TAMALIN: variants seen among roughly 807,000 people sequenced by gnomAD.
TAMALIN encodes the protein trafficking regulator and scaffold protein tamalin.
A neutral mutation model predicts 38.5 loss-of-function variants in TAMALIN; 9 were observed. The ratio of observed to expected loss-of-function variants is 0.23; its 90% CI spans 0.14 to 0.41. TAMALIN has a LOEUF of 0.41. TAMALIN is among the 10% of genes least tolerant of loss of function. TAMALIN has a pLI of 1.00. For missense variants in TAMALIN, 548 were observed against 554.1 expected (o/e 0.99, Z 0.11); for synonymous variants, 306 against 256.5 (o/e 1.19, Z -1.85).
At position 52,015,196 on chromosome 12, in the gene TAMALIN, G is replaced by T. The variant is rs1231846908; in HGVS notation, c.1185G>T (p.Leu395=). The T allele has an allele frequency of 1.3e-6, 2 of 1,589,228 alleles. No homozygotes were observed. The highest frequency in any genetic ancestry group is 1.7e-6 in the Non-Finnish European group (2 of 1,176,218). ...CCCTGGAGGAGGAGGAGAGCCAGCT[G>T]TAGGGGCGGGGGCGGGCAGGGAGGT... ...NRSLEEEESQ[L] The change falls in exon 8 of 8, where the codon CTG becomes CTT. Residue 395 remains leucine (L), a synonymous_variant. Transcript: ENST00000293662.
At position 52,013,946 on chromosome 12, in the gene TAMALIN, A is replaced by G; in HGVS notation, c.615+3A>G. On this transcript the variant is annotated splice_donor_region_variant and intron_variant, in intron 6 of 7. Coordinates refer to ENST00000293662, the MANE Select transcript of TAMALIN (RefSeq NM_181711.4). ...AGGCTCGTCTGCAGTACCTGAAGGT[A>G]GGGGAACCTAGATAACGTCCAGCCT... 1 of 1,613,922 alleles carries G rather than the reference A, an allele frequency of 6.2e-7. No individual in the cohort carries two copies. Among genetic ancestry groups the G allele is most frequent in the Middle Eastern group, 1.6e-4 (1 of 6,062 alleles).
intron 2 of TAMALIN, 71 bp downstream of exon 2, chr12:52,009,310 A>G (rs1942462505): frequency 6.9e-7 from 1 of 1,439,830 alleles, no homozygotes; most frequent in Non-Finnish European, 9.7e-7. Flanking sequence ...GTGCCAGGAC[A>G]GCATCTCAGC....
In TAMALIN at chr12:52,013,730, C is replaced by A; in HGVS notation, c.498C>A (p.Ile166=). The change falls in exon 5 of 8, where the codon ATC becomes ATA. Residue 166 remains isoleucine (I), a synonymous_variant. Transcript: ENST00000293662. ...ASVNGLNVEG[I]RHREIVDIIK... is the part of the protein sequence containing the mutation. The stretch of plus-strand genomic sequence containing the variant: ...TCAATGGCCTGAATGTGGAAGGCAT[C>A]CGGCATCGAGAGATTGTGGACATCA... 1 of 1,614,116 alleles carries A rather than the reference C, an allele frequency of 6.2e-7. No individual in the cohort carries two copies. The highest frequency in any genetic ancestry group is 1.6e-4 in the Middle Eastern group (1 of 6,062).
chr12:52,011,047 C>A lies in TAMALIN; in HGVS notation c.360C>A (p.Gly120=), dbSNP rs747876210. The change falls in exon 4 of 8, where the codon GGC becomes GGA. Residue 120 remains glycine, a synonymous_variant. Coordinates refer to ENST00000293662, the MANE Select transcript of TAMALIN (RefSeq NM_181711.4). This position sits in a 1 kb window ranked among gnomAD's most constrained non-coding sequence, Gnocchi z 5.3. The part of the protein sequence containing the change: ...QTFGFEIQTY[G]LHHREEQRVE... Reference sequence around the variant, plus strand: ...CCCCTTGTCCATTACAGACTTATGGCCTTCACCACCGGGAGGAGCAGCGTG... The same window carrying A: ...CCCCTTGTCCATTACAGACTTATGGACTTCACCACCGGGAGGAGCAGCGTG... 2.5e-6 allele frequency: 4 copies of A among 1,613,528 alleles called. No homozygotes were observed. Among genetic ancestry groups the A allele is most frequent in the East Asian group, 2.2e-5 (1 of 44,874 alleles).
chr12:52,014,195 G>T lies in TAMALIN; in HGVS notation c.676G>T (p.Val226Leu), dbSNP rs935436683. ...CCTAATGGTGCAGGAGCAGCGGCTG[G>T]TGCATGGTGAGTAGATCCCGGGGTG... ...RSLMVQEQRL[V>L]HGLVVKDPSI... Residue 226 changes from valine to leucine, a missense_variant, in exon 7 of 8, where the codon GTG becomes TTG. Around this residue, in one of 3 missense-constraint regions of TAMALIN, gnomAD observed 415 missense variants for 417.0 expected, o/e 1.00. Coordinates refer to ENST00000293662, the MANE Select transcript of TAMALIN (RefSeq NM_181711.4). The T allele has an allele frequency of 6.3e-7, 1 of 1,599,210 alleles. No homozygotes were observed. Among genetic ancestry groups the T allele is most frequent in the Non-Finnish European group, 8.5e-7 (1 of 1,172,450 alleles).
chr12:52,009,891 G>T (rs1942473022), intron 2 of TAMALIN, among the ~76,000 whole-genome samples: 1 of 152,232 alleles, frequency 6.6e-6, no homozygotes, highest in Non-Finnish European at 1.5e-5. Flanking sequence ...AATTTTTAAA[G>T]AGTTGTAAAA....
At chr12:52,008,440 AGTCTCG>A (rs1346638773) in intron 1 of TAMALIN, 10 of 942,492 alleles carry the variant, frequency 1.1e-5, no homozygotes, top group African/African-American at 4.1e-5. Flanking sequence ...AAGAACTCCC[AGTCTCG>A]GTCCTTTAGT....
At position 52,011,076 on chromosome 12, in the gene TAMALIN, A is replaced by C. The variant is rs1339735748; in HGVS notation, c.389A>C (p.Glu130Ala). The C allele has an allele frequency of 6.2e-7, 1 of 1,612,808 alleles. No homozygotes were observed. Among genetic ancestry groups the C allele is most frequent in the Non-Finnish European group, 8.5e-7 (1 of 1,179,866 alleles). The part of the protein sequence containing the change: ...GLHHREEQRV[E>A]MVTFVCRVHE... ...CACCACCGGGAGGAGCAGCGTGTGG[A>C]AATGGTGACCTTTGTCTGCCGAGTT... The change falls in exon 4 of 8, where the codon GAA (glutamate) becomes GCA (alanine). Residue 130 changes from glutamate (E) to alanine (A), a missense_variant. By Grantham distance (107) the Glu-to-Ala change is moderately radical (BLOSUM62 -1). Transcript: ENST00000293662. This position sits in a 1 kb window ranked among gnomAD's most constrained non-coding sequence, Gnocchi z 5.3.
Position 52,015,391 on chromosome 12 carries a change from C to T in TAMALIN, c.*192C>T, listed in dbSNP as rs1937786456. On this transcript the variant is annotated 3_prime_UTR_variant, in exon 8 of 8. Coordinates refer to ENST00000293662, the MANE Select transcript of TAMALIN (RefSeq NM_181711.4). ...GGGGGGCCCAGCCCCTTCTCTTCTC[C>T]CCCGCCAAACCACAGTGGGAGCTGG... is the stretch of plus-strand genomic sequence containing the variant. 4.7e-6 allele frequency: 3 copies of T among 636,794 alleles called. No individual in the cohort carries two copies. The South Asian group carries it at 6.3e-5, about 13-fold the overall frequency. 39.4% of individuals were successfully genotyped at this position (636,794 alleles called of 1,614,324 possible).
At chr12:52,009,616 C>T (rs1378196053) in intron 2 of TAMALIN, among the ~76,000 whole-genome samples, 4 of 152,226 alleles carry the variant, frequency 2.6e-5, no homozygotes, top group Non-Finnish European at 5.9e-5. Flanking sequence ...CCCACGGGCC[C>T]AGACCTTAGC....
Position 52,014,734 on chromosome 12 carries a change from G to A in TAMALIN, c.723G>A (p.Glu241=), listed in dbSNP as rs770827836. Residue 241 remains glutamate, a synonymous_variant, in exon 8 of 8, where the codon GAG becomes GAA. Coordinates refer to ENST00000293662, the MANE Select transcript of TAMALIN (RefSeq NM_181711.4). ...VKDPSIYDTL[E]SVRSCLYGAG... is the part of the protein sequence containing the mutation. ...ACCCCAGCATCTACGACACGCTGGA[G>A]TCGGTGCGCTCCTGCCTCTACGGCG... The A allele has an allele frequency of 1.3e-6, 2 of 1,521,138 alleles. No homozygotes were observed. The highest frequency in any genetic ancestry group is 2.5e-5 in the East Asian group (1 of 39,900). The allele number at this position is 1,521,138 out of a possible 1,614,324, so 94.2% of individuals were successfully genotyped here. A position where few individuals can be genotyped will look rare whatever the true frequency, so the allele number is the denominator to read the frequency against.
rs1229750357 is a variant in TAMALIN at position 52,007,856 on chromosome 12, C to T, written c.246+591C>T. On this transcript the variant is annotated intron_variant, in intron 1 of 7. Coordinates refer to ENST00000293662, the MANE Select transcript of TAMALIN (RefSeq NM_181711.4). This position sits in a 1 kb window ranked among gnomAD's most constrained non-coding sequence, Gnocchi z 6.7. ...CTGCTCCCTGGACTTCTGTCGGAAC[C>T]GGACGCAGTGGGAGGGGTCGCAGGG... 2.0e-6 allele frequency: 2 copies of T among 985,292 alleles called. No individual in the cohort carries two copies. The highest frequency in any genetic ancestry group is 2.4e-6 in the Non-Finnish European group (2 of 829,920). The allele number at this position is 985,292 out of a possible 1,614,324, so 61.0% of individuals were successfully genotyped here. A position where few individuals can be genotyped will look rare whatever the true frequency, so the allele number is the denominator to read the frequency against.
In TAMALIN at chr12:52,014,839, C is replaced by T. The variant is rs1450777027; in HGVS notation, c.828C>T (p.Ala276=). The change falls in exon 8 of 8, where the codon GCC becomes GCT. Residue 276 remains alanine, a synonymous_variant. Transcript: ENST00000293662. ...GTCCCCGCGGAGGCGCCCGACGGGC[C>T]AGGGGCGACGCCGACGACGCCGTCT... ...PGRPRGGARR[A]RGDADDAVYH... 4.7e-6 allele frequency: 6 copies of T among 1,284,404 alleles called. No homozygotes were observed. In the African/African-American group the frequency reaches 7.9e-5, roughly 17 times the overall value. 79.6% of individuals were successfully genotyped at this position (1,284,404 alleles called of 1,614,324 possible). A position where few individuals can be genotyped will look rare whatever the true frequency, so the allele number is the denominator to read the frequency against.
At chr12:52,009,081 C>T in intron 1 of TAMALIN, 109 bp from the exon 2 acceptor site, 1 of 1,036,380 alleles carries the variant, frequency 9.6e-7, no homozygotes, top group Admixed American at 1.9e-5. Context: ...GGATGTGGAG[C>T]TGGGAAGGGG....
chr12:52,007,850 C>A lies in TAMALIN; in HGVS notation c.246+585C>A. 1.0e-6 allele frequency: 1 copy of A among 985,424 alleles called. No individual in the cohort carries two copies. Among genetic ancestry groups the A allele is most frequent in the Non-Finnish European group, 1.2e-6 (1 of 829,918 alleles). 61.0% of individuals were successfully genotyped at this position (985,424 alleles called of 1,614,324 possible). A position where few individuals can be genotyped will look rare whatever the true frequency, so the allele number is the denominator to read the frequency against. The stretch of plus-strand genomic sequence containing the variant: ...GGGCCACTGCTCCCTGGACTTCTGT[C>A]GGAACCGGACGCAGTGGGAGGGGTC... On this transcript the variant is annotated intron_variant, in intron 1 of 7. Transcript: ENST00000293662. This position sits in a 1 kb window ranked among gnomAD's most constrained non-coding sequence, Gnocchi z 6.7.
chr12:52,015,036 G>A lies in TAMALIN; in HGVS notation c.1025G>A (p.Gly342Asp), dbSNP rs1654297794. Residue 342 changes from glycine (G) to aspartate (D), a missense_variant, in exon 8 of 8, where the codon GGC becomes GAC. Physicochemically the swap from Gly to Asp is moderately conservative, Grantham distance 94. Transcript: ENST00000293662. ...GTGCGGTGCGCGGGCCCTGGCGGGG[G>A]CGGAGGCGGGGGCGCGCCGGGCGCG... ...ASVRCAGPGGGGGGGAPGALW... is the reference protein window; with the variant it reads ...ASVRCAGPGGDGGGGAPGALW... 2 of 1,329,460 alleles carry A rather than the reference G, an allele frequency of 1.5e-6. No individual in the cohort carries two copies. Among genetic ancestry groups the A allele is most frequent in the African/African-American group, 1.6e-5 (1 of 62,958 alleles). 82.4% of individuals were successfully genotyped at this position (1,329,460 alleles called of 1,614,324 possible).
In TAMALIN at chr12:52,007,359, C is replaced by T; in HGVS notation, c.246+94C>T. 3 of 1,286,334 alleles carry T rather than the reference C, an allele frequency of 2.3e-6. No homozygotes were observed. Among genetic ancestry groups the T allele is most frequent in the South Asian group, 5.3e-5 (2 of 37,792 alleles). 79.7% of individuals were successfully genotyped at this position (1,286,334 alleles called of 1,614,324 possible). ...CGCAGTGCCCTCTCCTCGGCGTCCG[C>T]GGAGTCCCCCACCTTCTTCCCCGGC... On this transcript the variant is annotated intron_variant, in intron 1 of 7. Coordinates refer to ENST00000293662, the MANE Select transcript of TAMALIN (RefSeq NM_181711.4). The surrounding 1 kb of genome is among the most constrained non-coding windows in gnomAD (Gnocchi z 6.7).
At position 52,007,278 on chromosome 12, in the gene TAMALIN, C is replaced by T. The variant is rs1215989434; in HGVS notation, c.246+13C>T. On this transcript the variant is annotated intron_variant, in intron 1 of 7. Coordinates refer to ENST00000293662, the MANE Select transcript of TAMALIN (RefSeq NM_181711.4). This position sits in a 1 kb window ranked among gnomAD's most constrained non-coding sequence, Gnocchi z 6.7. ...GCCCCGCCGAAAGGTGCGTCCCCCG[C>T]CCGCCTTCAGGATCTGCTCAGCCCC... 1.4e-6 allele frequency: 2 copies of T among 1,399,942 alleles called. No homozygotes were observed. The highest frequency in any genetic ancestry group is 1.9e-6 in the Non-Finnish European group (2 of 1,080,270). 86.7% of individuals were successfully genotyped at this position (1,399,942 alleles called of 1,614,324 possible).
Position 52,007,233 on chromosome 12 carries a change from G to A in TAMALIN, c.214G>A (p.Ala72Thr). The A allele has an allele frequency of 7.0e-7, 1 of 1,424,174 alleles. No individual in the cohort carries two copies. Among genetic ancestry groups the A allele is most frequent in the East Asian group, 2.8e-5 (1 of 35,972 alleles). 88.2% of individuals were successfully genotyped at this position (1,424,174 alleles called of 1,614,324 possible). Residue 72 changes from alanine (A) to threonine (T), a missense_variant, in exon 1 of 8, where the codon GCC becomes ACC. Ala to Thr is a moderately conservative substitution (Grantham distance 58). This residue lies in a region of TAMALIN where 128 missense variants were observed against 117.9 expected (regional missense o/e 1.09). Transcript: ENST00000293662. This position sits in a 1 kb window ranked among gnomAD's most constrained non-coding sequence, Gnocchi z 6.7. ...YHPAELYRAL[A>T]VSGGTLPRRK... ...CCCTGCCGAGCTGTACCGCGCGCTC[G>A]CCGTGTCCGGGGGCACCCTGCCCCG...
Sources: gnomAD v4.1 joint callset for allele counts (sites outside exome capture counted in the v4.1 genomes callset) on GRCh38, gnomAD v4.1.1 for gene constraint, gnomAD v4.1.1 regional missense constraint, Gnocchi (gnomAD v3.1) non-coding constraint, MANE v1.5 for transcripts, NCBI Gene and HGNC (gene_info 2026-07-23, HGNC 2026-07-21) for gene names.